ARFGAP1: variants seen among roughly 807,000 people sequenced by gnomAD.
ARFGAP1 encodes the protein ADP-ribosylation factor GTPase-activating protein 1.
Under a neutral mutation model 54.0 loss-of-function variants are expected in ARFGAP1, and 26 were observed. The observed-to-expected ratio is 0.48, with a 90% CI of 0.35 to 0.67. ARFGAP1 has a LOEUF of 0.67. ARFGAP1 is among the 30% of genes least tolerant of loss of function. ARFGAP1 has a pLI of 0.00. For missense variants in ARFGAP1, 525 were observed against 535.8 expected, an observed-to-expected ratio of 0.98 and a Z score of 0.20; for synonymous variants, 248 against 211.9, an observed-to-expected ratio of 1.17 and a Z score of -1.48.
chr20:63,283,825 A>T, intron 9 of ARFGAP1: 3 of 1,612,184 alleles, frequency 1.9e-6, no homozygotes, highest in Non-Finnish European at 2.5e-6. Context: ...CTCTCTCCTC[A>T]CCTGTCTTCT....
In ARFGAP1 at chr20:63,276,583, G is replaced by T; in HGVS notation, c.274G>T (p.Asp92Tyr). ...CCGAGAGTTCCTGGAGTCTCAGGAGGATTACGATCCTTGCTGGTCCTTGCA... is the reference window on the plus strand; with the variant it reads ...CCGAGAGTTCCTGGAGTCTCAGGAGTATTACGATCCTTGCTGGTCCTTGCA... The part of the protein sequence containing the change: ...KFREFLESQE[D>Y]YDPCWSLQEK... Residue 92 changes from aspartate to tyrosine, a missense_variant, in exon 4 of 13, where the codon GAT (aspartate) becomes TAT (tyrosine). Coordinates refer to ENST00000370283, the MANE Select transcript of ARFGAP1 (RefSeq NM_018209.4). This position sits in a 1 kb window ranked among gnomAD's most constrained non-coding sequence, Gnocchi z 5.2. The T allele has an allele frequency of 6.2e-7, 1 of 1,614,050 alleles. No individual in the cohort carries two copies. The highest frequency in any genetic ancestry group is 8.5e-7 in the Non-Finnish European group (1 of 1,179,994).
chr20:63,288,805 G>T lies in ARFGAP1; in HGVS notation c.*932G>T, dbSNP rs1013206123. On this transcript the variant is annotated 3_prime_UTR_variant, in exon 13 of 13. Transcript: ENST00000370283. The stretch of plus-strand genomic sequence containing the variant: ...CACCTCCCCGAGGACTGGATGATGT[G>T]CTGCCACGTGTGACTCGTCTCCCTT... The T allele has an allele frequency of 6.0e-6, 2 of 333,390 alleles. No homozygotes were observed. Among genetic ancestry groups the T allele is most frequent in the Non-Finnish European group, 1.2e-5 (2 of 167,346 alleles). 20.7% of individuals were successfully genotyped at this position (333,390 alleles called of 1,614,324 possible).
Position 63,288,605 on chromosome 20 carries a change from C to G in ARFGAP1, c.*732C>G, listed in dbSNP as rs1261138299. The G allele has an allele frequency of 6.8e-6, 3 of 439,700 alleles. No individual in the cohort carries two copies. Among genetic ancestry groups the G allele is most frequent in the Non-Finnish European group, 1.4e-5 (3 of 216,084 alleles). 27.2% of individuals were successfully genotyped at this position (439,700 alleles called of 1,614,324 possible). On this transcript the variant is annotated 3_prime_UTR_variant, in exon 13 of 13. Coordinates refer to ENST00000370283, the MANE Select transcript of ARFGAP1 (RefSeq NM_018209.4). The stretch of plus-strand genomic sequence containing the variant: ...GAACACCCTGGAAGAAAAAGGAGCG[C>G]AGGGTGGGCCCTCGGCCCTGATGCA...
intron 5 of ARFGAP1, 79 bp from the exon 6 acceptor site, chr20:63,278,038 A>G (rs2067277866): frequency 2.9e-6 from 4 of 1,365,248 alleles, no homozygotes; most frequent in Non-Finnish European, 3.1e-6. Context: ...CGTAGGCCAC[A>G]TGGTTCTGGG....
intron 1 of ARFGAP1, among the ~76,000 whole-genome samples, chr20:63,275,275 A>G (rs933945379): frequency 2.6e-5 from 4 of 152,214 alleles, no homozygotes; most frequent in Non-Finnish European, 5.9e-5. Flanking sequence ...AGGACTTTTT[A>G]TAACTGGTGC....
At position 63,288,530 on chromosome 20, in the gene ARFGAP1, A is replaced by C. The variant is rs2067628860; in HGVS notation, c.*657A>C. On this transcript the variant is annotated 3_prime_UTR_variant, in exon 13 of 13. Coordinates refer to ENST00000370283, the MANE Select transcript of ARFGAP1 (RefSeq NM_018209.4). Reference sequence around the variant, plus strand: ...GTTCACCAGACACGGCCTCCACAATAGCCACACCCACACCTGAGCTGTTCT... The same window carrying C: ...GTTCACCAGACACGGCCTCCACAATCGCCACACCCACACCTGAGCTGTTCT... The C allele has an allele frequency of 2.2e-6, 1 of 455,836 alleles. No individual in the cohort carries two copies. 28.2% of individuals were successfully genotyped at this position (455,836 alleles called of 1,614,324 possible). A position where few individuals can be genotyped will look rare whatever the true frequency, so the allele number is the denominator to read the frequency against.
In ARFGAP1 at chr20:63,288,989, TCCTGGAGCAG is replaced by T. The variant is rs763840020; in HGVS notation, c.*1122_*1131del. 30 of 196,104 alleles carry T rather than the reference TCCTGGAGCAG, an allele frequency of 1.5e-4. No individual in the cohort carries two copies. The highest frequency in any genetic ancestry group is 3.2e-5 in the Non-Finnish European group (3 of 93,444). The allele number at this position is 196,104 out of a possible 1,614,324, so 12.1% of individuals were successfully genotyped here. On this transcript the variant is annotated 3_prime_UTR_variant, in exon 13 of 13. Transcript: ENST00000370283. ...ACTTCCCGGTCGCCGTCTGCAGCAC[TCCTGGAGCAG>T]CCTGGGCCCTTCAGCCCCTGTGCTC...
At position 63,289,694 on chromosome 20, in the gene ARFGAP1, C is replaced by G. The variant is rs960059864; in HGVS notation, c.*1821C>G. 1 of 152,260 alleles carries G rather than the reference C, an allele frequency of 6.6e-6. No individual in the cohort carries two copies. The highest frequency in any genetic ancestry group is 2.4e-5 in the African/African-American group (1 of 41,424). The allele number at this position is 152,260 out of a possible 1,614,324, so 9.4% of individuals were successfully genotyped here. On this transcript the variant is annotated 3_prime_UTR_variant, in exon 13 of 13. Coordinates refer to ENST00000370283, the MANE Select transcript of ARFGAP1 (RefSeq NM_018209.4). ...CTTCTGCAGGTGCGGGCAGGTGGGCCTGGGACCGGTGCTGGGGCCTCTCCT... is the reference window on the plus strand; with the variant it reads ...CTTCTGCAGGTGCGGGCAGGTGGGCGTGGGACCGGTGCTGGGGCCTCTCCT...
chr20:63,274,659 G>C (rs960948592), intron 1 of ARFGAP1, among the ~76,000 whole-genome samples: 4 of 152,198 alleles, frequency 2.6e-5, no homozygotes, highest in African/African-American at 9.6e-5. Context: ...CAGGTCTGCT[G>C]CCTCCAGGCT....
chr20:63,286,478 T>C, intron 12 of ARFGAP1, 36 bp downstream of exon 12: 1 of 1,593,622 alleles, frequency 6.3e-7, no homozygotes, highest in Admixed American at 1.7e-5. Context: ...TGCATCCCAC[T>C]CCCCTGCCTT....
At chr20:63,284,021 C>A in intron 9 of ARFGAP1, 1 of 1,483,672 alleles carries the variant, frequency 6.7e-7, no homozygotes, top group South Asian at 1.3e-5. Context: ...TGGCCTCGGT[C>A]CGTGGCTCTC....
rs1409998966 is a variant in ARFGAP1, at chr20:63,287,550, T to C, written c.912-14T>C. 2 of 1,567,514 alleles carry C rather than the reference T, an allele frequency of 1.3e-6. No homozygotes were observed. The highest frequency in any genetic ancestry group is 1.1e-5 in the South Asian group (1 of 87,156). On this transcript the variant is annotated splice_polypyrimidine_tract_variant and intron_variant, in intron 12 of 12. Transcript: ENST00000370283. Reference sequence around the variant, plus strand: ...TAACAGTCATTTAGAGTCCCCCTTCTGTCTCTTTAAAAGCCCCTCGGAGGG... The same window carrying C: ...TAACAGTCATTTAGAGTCCCCCTTCCGTCTCTTTAAAAGCCCCTCGGAGGG...
chr20:63,275,131 C>T (rs544041828), intron 1 of ARFGAP1, among the ~76,000 whole-genome samples: 3 of 152,350 alleles, frequency 2.0e-5, no homozygotes, highest in East Asian at 3.9e-4. Flanking sequence ...CGCAGAGTCC[C>T]TGGGCTCCCT....
rs373358233 is a variant in ARFGAP1 at position 63,278,125 on chromosome 20, G to A, written c.452G>A (p.Gly151Asp). The change falls in exon 6 of 13, where the codon GGC (glycine) becomes GAC (aspartate). Residue 151 changes from glycine to aspartate, a missense_variant. Coordinates refer to ENST00000370283, the MANE Select transcript of ARFGAP1 (RefSeq NM_018209.4). ...TCGATTCTCGGTTTCAGAGTCTCTG[G>A]CCAGCCGCAGAGTGTGACCGCCTCC... ...TLPSMVHRVSGQPQSVTASSD... is the reference protein window; with the variant it reads ...TLPSMVHRVSDQPQSVTASSD... The A allele has an allele frequency of 3.1e-6, 5 of 1,613,464 alleles. No individual in the cohort carries two copies. The African/African-American group carries it at 4.0e-5, about 13-fold the overall frequency.
At chr20:63,285,434 G>A (rs1329185871) in intron 10 of ARFGAP1, 2 of 597,510 alleles carry the variant, frequency 3.3e-6, no homozygotes, top group East Asian at 5.6e-5. Context: ...GCAGTGGCCG[G>A]CAGGGGCCAC....
At chr20:63,285,618 C>T in intron 10 of ARFGAP1, 36 bp from the exon 11 acceptor site, 1 of 1,606,230 alleles carries the variant, frequency 6.2e-7, no homozygotes, top group Admixed American at 1.7e-5. Context: ...TTCATCTCTC[C>T]CGCCCCCATT....
chr20:63,288,322 G>C lies in ARFGAP1; in HGVS notation c.*449G>C, dbSNP rs1456495182. ...GGTTTTGCTCTAGTTCTTTCTTTTTGAAGAGAGTGACTGGAGTGGTAAAGA... is the reference window on the plus strand; with the variant it reads ...GGTTTTGCTCTAGTTCTTTCTTTTTCAAGAGAGTGACTGGAGTGGTAAAGA... On this transcript the variant is annotated 3_prime_UTR_variant, in exon 13 of 13. Transcript: ENST00000370283. 2.2e-6 allele frequency: 1 copy of C among 462,120 alleles called. No individual in the cohort carries two copies. Among genetic ancestry groups the C allele is most frequent in the South Asian group, 1.5e-5 (1 of 64,610 alleles). The allele number at this position is 462,120 out of a possible 1,614,324, so 28.6% of individuals were successfully genotyped here.
In ARFGAP1 at chr20:63,276,680, CA is replaced by C; in HGVS notation, c.342+30del. The C allele has an allele frequency of 1.3e-6, 2 of 1,580,458 alleles. No homozygotes were observed. Among genetic ancestry groups the C allele is most frequent in the African/African-American group, 1.3e-5 (1 of 74,350 alleles). ...GAGATGGGCCCGATTCACTCTTGCC[CA>C]TGGTGTGGGGCTGCCCTGCCGTTTG... On this transcript the variant is annotated intron_variant, in intron 4 of 12. Transcript: ENST00000370283. This position sits in a 1 kb window ranked among gnomAD's most constrained non-coding sequence, Gnocchi z 5.2.
Position 63,281,287 on chromosome 20 carries a change from T to C in ARFGAP1, c.628-4T>C. ...ATGTGGCTGCTCTTTGTCGCCTCCC[T>C]CAGGGCTGGAGCAGCTTCACCACTG... On this transcript the variant is annotated splice_region_variant and splice_polypyrimidine_tract_variant and intron_variant, in intron 7 of 12. Transcript: ENST00000370283. 6.3e-7 allele frequency: 1 copy of C among 1,599,752 alleles called. No individual in the cohort carries two copies. The highest frequency in any genetic ancestry group is 8.5e-7 in the Non-Finnish European group (1 of 1,175,880).
Sources: gnomAD v4.1 joint callset for allele counts (sites outside exome capture counted in the v4.1 genomes callset) on GRCh38, gnomAD v4.1.1 for gene constraint, Gnocchi (gnomAD v3.1) non-coding constraint, MANE v1.5 for transcripts, NCBI Gene and HGNC (gene_info 2026-07-23, HGNC 2026-07-21) for gene names.